RIC1: variants seen among roughly 807,000 people sequenced by gnomAD.
RIC1 encodes RIC1 partner of RAB6A GEF complex, also known as guanine nucleotide exchange factor subunit RIC1.
A neutral mutation model predicts 169.0 loss-of-function variants in RIC1; 88 were observed. The observed-to-expected ratio is 0.52, with a 90% confidence interval of 0.44 to 0.62. The LOEUF is 0.62. Ranked by LOEUF, RIC1 falls within the 20% of genes least tolerant of loss-of-function variation. The pLI is 0.00. For synonymous variants in RIC1, 790 were observed against 601.5 expected (o/e 1.31, Z -4.59); for missense variants, 1,877 against 1,725.5 (o/e 1.09, Z -1.56).
intron 3 of RIC1, among the ~76,000 whole-genome samples, chr9:5,704,938 C>T (rs763772042): frequency 2.0e-5 from 3 of 152,094 alleles, no homozygotes; most frequent in Non-Finnish European, 2.9e-5. Flanking sequence ...CTGTTGAGTG[C>T]ACTTGGCACC....
At chr9:5,640,389 A>C (rs187185658) in intron 1 of RIC1, among the ~76,000 whole-genome samples, 1 of 152,218 alleles carries the variant, frequency 6.6e-6, no homozygotes, top group East Asian at 1.9e-4. Flanking sequence ...CTACACTTTA[A>C]CTTCATCCCT....
chr9:5,743,400 T>C (rs962097084), intron 9 of RIC1, among the ~76,000 whole-genome samples: 2 of 152,102 alleles, frequency 1.3e-5, no homozygotes, highest in Admixed American at 1.3e-4. Context: ...TAGGAGTAGG[T>C]TGGTATCTCT....
At chr9:5,654,781 G>T (rs917701027) in intron 1 of RIC1, among the ~76,000 whole-genome samples, 1 of 152,150 alleles carries the variant, frequency 6.6e-6, no homozygotes, top group Admixed American at 6.5e-5. Flanking sequence ...TTGAACTCCT[G>T]ACCTTAAGTG....
At chr9:5,729,753 A>C (rs1824245257) in intron 6 of RIC1, among the ~76,000 whole-genome samples, 1 of 152,146 alleles carries the variant, frequency 6.6e-6, no homozygotes, top group Non-Finnish European at 1.5e-5. Context: ...TATCAACTTT[A>C]TTCAGATAGT....
At chr9:5,733,540 G>A (rs1824503627) in intron 7 of RIC1, among the ~76,000 whole-genome samples, 1 of 152,106 alleles carries the variant, frequency 6.6e-6, no homozygotes. Context: ...CTGGATTACA[G>A]GCGTGAGCCA....
intron 1 of RIC1, among the ~76,000 whole-genome samples, chr9:5,656,113 G>A (rs1819083063): frequency 2.0e-5 from 3 of 152,028 alleles, no homozygotes; most frequent in South Asian, 2.1e-4. Flanking sequence ...CTTGTGATCC[G>A]CCCACCATGG....
chr9:5,676,263 A>T (rs1458017364), intron 2 of RIC1, among the ~76,000 whole-genome samples: 2 of 152,162 alleles, frequency 1.3e-5, no homozygotes, highest in Non-Finnish European at 2.9e-5. Context: ...CAGATTCTGA[A>T]ACGTTACTAA....
intron 3 of RIC1, among the ~76,000 whole-genome samples, chr9:5,708,440 A>G (rs903572680): frequency 7.9e-5 from 12 of 152,248 alleles, no homozygotes; most frequent in Non-Finnish European, 5.9e-5. Context: ...AACTTCCTTT[A>G]GCATTTCTGG....
chr9:5,677,627 T>C (rs10975231), intron 2 of RIC1, among the ~76,000 whole-genome samples: 44,890 of 151,956 alleles, frequency 0.3, 7,869 homozygotes, highest in East Asian at 0.61. Context: ...TCTCCAACTT[T>C]GTTCATTTTC....
intron 3 of RIC1, among the ~76,000 whole-genome samples, chr9:5,690,912 T>TACTACTGG (rs1821555913): frequency 6.6e-6 from 1 of 151,870 alleles, no homozygotes; most frequent in African/African-American, 2.4e-5. Flanking sequence ...AGAGAAAGTA[T>TACTACTGG]TTAGACCCAG....
intron 3 of RIC1, 55 bp from the exon 4 acceptor site, chr9:5,713,841 C>T: frequency 8.4e-7 from 1 of 1,197,112 alleles, no homozygotes; most frequent in Non-Finnish European, 1.2e-6. Flanking sequence ...GTGTATTAGC[C>T]ACAGAATGGA....
chr9:5,644,083 A>C (rs1201375013), intron 1 of RIC1, among the ~76,000 whole-genome samples: 1 of 152,174 alleles, frequency 6.6e-6, no homozygotes, highest in Non-Finnish European at 1.5e-5. Context: ...TAAATTTTTA[A>C]GAGCTTTGAG....
chr9:5,753,580 C>G lies in RIC1; in HGVS notation c.1536C>G (p.Gly512=). The change falls in exon 14 of 26, where the codon GGC becomes GGG. Residue 512 remains glycine, a synonymous_variant. Coordinates refer to ENST00000414202, the MANE Select transcript of RIC1 (RefSeq NM_020829.4). The stretch of plus-strand genomic sequence containing the variant: ...TTGGACAGAATATTGCTGTGGTTGG[C>G]AAGTTTGGTTTTGCACATTACTCTT... The part of the protein sequence containing the change: ...DKLGQNIAVV[G]KFGFAHYSLL... 1 of 1,610,992 alleles carries G rather than the reference C, an allele frequency of 6.2e-7. No individual in the cohort carries two copies. Among genetic ancestry groups the G allele is most frequent in the Non-Finnish European group, 8.5e-7 (1 of 1,178,864 alleles).
intron 2 of RIC1, among the ~76,000 whole-genome samples, chr9:5,689,340 C>G (rs183212567): frequency 6.6e-6 from 1 of 152,156 alleles, no homozygotes; most frequent in East Asian, 1.9e-4. Context: ...TGTGAGCCAC[C>G]GCGCCCGGCC....
chr9:5,702,129 A>G (rs780852986), intron 3 of RIC1, among the ~76,000 whole-genome samples: 11 of 152,254 alleles, frequency 7.2e-5, no homozygotes, highest in Admixed American at 2.0e-4. Flanking sequence ...CTAAATTCAG[A>G]TAATATCAAA....
chr9:5,682,139 G>C (rs1010620181), intron 2 of RIC1, among the ~76,000 whole-genome samples: 1 of 152,124 alleles, frequency 6.6e-6, no homozygotes, highest in Non-Finnish European at 1.5e-5. Flanking sequence ...CTTTTAATTG[G>C]AGCATTTAGC....
chr9:5,641,895 T>C (rs1818270113), intron 1 of RIC1, among the ~76,000 whole-genome samples: 1 of 144,614 alleles, frequency 6.9e-6, no homozygotes, highest in Non-Finnish European at 1.5e-5. Context: ...GTCACATATC[T>C]ATCTCTGTTT....
intron 2 of RIC1, among the ~76,000 whole-genome samples, chr9:5,683,739 C>G (rs920513335): frequency 1.3e-4 from 20 of 152,346 alleles, no homozygotes; most frequent in Admixed American, 1.2e-3. Flanking sequence ...GCCCTGCCCC[C>G]AGAGGTGGAG....
chr9:5,645,077 A>G (rs2130349980), intron 1 of RIC1, among the ~76,000 whole-genome samples: 1 of 152,196 alleles, frequency 6.6e-6, no homozygotes, highest in Non-Finnish European at 1.5e-5. Flanking sequence ...TTAATTATCT[A>G]TTCAAATCCT....
Sources: gnomAD v4.1 joint callset for allele counts (sites outside exome capture counted in the v4.1 genomes callset) on GRCh38, gnomAD v4.1.1 for gene constraint, MANE v1.5 for transcripts, NCBI Gene and HGNC (gene_info 2026-07-23, HGNC 2026-07-21) for gene names.